LPP: variants seen among roughly 807,000 people sequenced by gnomAD.
LPP encodes the protein lipoma-preferred partner.
A neutral mutation model predicts 60.4 loss-of-function variants in LPP; 38 were observed. That is an observed-to-expected ratio of 0.63 (90% CI 0.49 to 0.83). LPP has a LOEUF of 0.83. LPP is among the 40% of genes least tolerant of loss of function. The pLI is 0.00. For missense variants in LPP, 902 were observed against 783.6 expected (o/e 1.15, Z -1.80); for synonymous variants, 328 against 290.8 (o/e 1.13, Z -1.30).
intron 2 of LPP, among the ~76,000 whole-genome samples, chr3:188,259,248 G>T (rs1732740389): frequency 6.6e-6 from 1 of 152,162 alleles, no homozygotes; most frequent in Non-Finnish European, 1.5e-5. Flanking sequence ...CTCCCAGAGT[G>T]CATCCAGAGA....
At chr3:188,864,175 G>A (rs368272746) in intron 9 of LPP, among the ~76,000 whole-genome samples, 40 of 152,238 alleles carry the variant, frequency 2.6e-4, no homozygotes, top group East Asian at 7.7e-4. Flanking sequence ...GTTTCCATGC[G>A]TTTAGACTGT....
intron 6 of LPP, among the ~76,000 whole-genome samples, chr3:188,540,201 A>T (rs1824775801): frequency 6.6e-6 from 1 of 152,144 alleles, no homozygotes; most frequent in African/African-American, 2.4e-5. Context: ...TTGGTTTGCA[A>T]ACTGGACTTG....
chr3:188,691,128 A>G (rs2149473709), intron 7 of LPP, among the ~76,000 whole-genome samples: 1 of 152,320 alleles, frequency 6.6e-6, no homozygotes, highest in East Asian at 1.9e-4. Flanking sequence ...AGTATCTGCC[A>G]CCTTGTGCCT....
At chr3:188,248,630 A>G (rs529215363) in intron 2 of LPP, among the ~76,000 whole-genome samples, 162 of 151,400 alleles carry the variant, frequency 1.1e-3, no homozygotes, top group African/African-American at 3.9e-3. Flanking sequence ...TCTAACCTTT[A>G]TATCTTTGTT....
chr3:188,888,645 A>T lies in LPP; in HGVS notation c.*14166A>T, dbSNP rs182477908. On this transcript the variant is annotated 3_prime_UTR_variant, in exon 12 of 12. Transcript: ENST00000617246. The stretch of plus-strand genomic sequence containing the variant: ...AAAAGTGCCTATTCTGAGCAACATA[A>T]ACGTTATTCCTTACATATGTATGTA... 46 of 222,524 alleles carry T rather than the reference A, an allele frequency of 2.1e-4. No individual in the cohort carries two copies. Among genetic ancestry groups the T allele is most frequent in the Middle Eastern group, 1.4e-3 (1 of 726 alleles). The allele number at this position is 222,524 out of a possible 1,614,324, so 13.8% of individuals were successfully genotyped here.
intron 5 of LPP, among the ~76,000 whole-genome samples, chr3:188,498,647 C>T (rs1202564600): frequency 6.6e-6 from 1 of 152,080 alleles, no homozygotes; most frequent in East Asian, 1.9e-4. Flanking sequence ...CTTTTGGACC[C>T]TGCTTTCAGT....
At chr3:188,831,077 G>A (rs1372458208) in intron 9 of LPP, among the ~76,000 whole-genome samples, 1 of 152,142 alleles carries the variant, frequency 6.6e-6, no homozygotes, top group Non-Finnish European at 1.5e-5. Context: ...ATCTGTGGGG[G>A]GATGCCAAGA....
intron 4 of LPP, among the ~76,000 whole-genome samples, chr3:188,462,255 C>T (rs904754783): frequency 3.3e-5 from 5 of 151,152 alleles, no homozygotes; most frequent in African/African-American, 9.7e-5. Context: ...TTATTATTCT[C>T]ATTTTGAAGA....
chr3:188,368,994 T>G (rs1166216523), intron 3 of LPP, among the ~76,000 whole-genome samples: 1 of 152,178 alleles, frequency 6.6e-6, no homozygotes, highest in Non-Finnish European at 1.5e-5. Flanking sequence ...GTGTTTACAG[T>G]TATCGCCATG....
chr3:188,430,325 T>C (rs1790574508), intron 4 of LPP, among the ~76,000 whole-genome samples: 1 of 152,158 alleles, frequency 6.6e-6, no homozygotes, highest in South Asian at 2.1e-4. Flanking sequence ...TTCCCTGGCT[T>C]ATATTGTACA....
intron 2 of LPP, among the ~76,000 whole-genome samples, chr3:188,308,948 T>TTCTCCCTTCTCCTTCTCCTCCTCCC (rs1752443177): frequency 2.1e-5 from 3 of 140,698 alleles, no homozygotes; most frequent in South Asian, 4.8e-4. Context: ...CTCCTCCTCC[T>TTCTCCCTTCTCCTTCTCCTCCTCCC]TCTCCCTTCT....
chr3:188,414,825 G>T (rs1785757506), intron 4 of LPP, among the ~76,000 whole-genome samples: 1 of 152,138 alleles, frequency 6.6e-6, no homozygotes, highest in Non-Finnish European at 1.5e-5. Context: ...TTGCAGATTA[G>T]TAAGTGGGGA....
chr3:188,227,293 C>T (rs150429818), intron 2 of LPP, among the ~76,000 whole-genome samples: 3 of 150,034 alleles, frequency 2.0e-5, no homozygotes, highest in Non-Finnish European at 4.4e-5. Flanking sequence ...CCCACTAACT[C>T]GTCATCTAGC....
intron 6 of LPP, among the ~76,000 whole-genome samples, chr3:188,558,485 G>A (rs1829981565): frequency 6.6e-6 from 1 of 152,064 alleles, no homozygotes. Flanking sequence ...GTGGTCAGCT[G>A]TGTAGATTCA....
chr3:188,792,128 C>T (rs995888019), intron 9 of LPP, among the ~76,000 whole-genome samples: 7 of 152,246 alleles, frequency 4.6e-5, no homozygotes, highest in Admixed American at 1.3e-4. Flanking sequence ...GCCCAAGCAC[C>T]GTGTGTAGCC....
chr3:188,514,257 TTTCCTCTCCTCTCCA>T (rs1816671318), intron 5 of LPP, among the ~76,000 whole-genome samples: 1 of 151,942 alleles, frequency 6.6e-6, no homozygotes, highest in Non-Finnish European at 1.5e-5. Flanking sequence ...CCCTTCCTCT[TTTCCTCTCCTCTCCA>T]TTCCTCTGCT....
Position 188,687,536 on chromosome 3 carries a change from G to A in LPP, c.1114-20731G>A, listed in dbSNP as rs191564229. Among the ~76,000 whole-genome samples, 22 of 152,218 alleles carry A rather than the reference G, an allele frequency of 1.4e-4. No individual in the cohort carries two copies. The East Asian group carries it at 3.5e-3, about 24-fold the overall frequency. On this transcript the variant is annotated intron_variant, in intron 7 of 11. Coordinates refer to ENST00000617246, the MANE Select transcript of LPP (RefSeq NM_001375462.1). ...GCTTCTCCCTCTGCTGCCACCTTGT[G>A]AAGAAGGTGCCTGCTTCCCCTTCTG... is the stretch of plus-strand genomic sequence containing the variant.
chr3:188,794,919 C>T lies in LPP; in HGVS notation c.1410+34637C>T, dbSNP rs907052447. Among the ~76,000 whole-genome samples the T allele has an allele frequency of 1.6e-4, 25 of 152,038 alleles. 1 individual carries two copies. The highest frequency in any genetic ancestry group is 2.1e-4 in the South Asian group (1 of 4,816). On this transcript the variant is annotated intron_variant, in intron 9 of 11. Coordinates refer to ENST00000617246, the MANE Select transcript of LPP (RefSeq NM_001375462.1). ...TTGGGATGCCAAGGCAGGAGGATCA[C>T]GAGGTCAGGAGATCAAGACCAACCT...
At chr3:188,754,305 GA>G (rs1398159882) in intron 8 of LPP, among the ~76,000 whole-genome samples, 2 of 152,170 alleles carry the variant, frequency 1.3e-5, no homozygotes, top group African/African-American at 2.4e-5. Flanking sequence ...ATTTTCAATG[GA>G]TGGAAAGCCA....
Sources: allele counts gnomAD v4.1 joint callset (sites outside exome capture counted in the v4.1 genomes callset), GRCh38; gene constraint gnomAD v4.1.1; transcripts MANE v1.5; gene names NCBI Gene and HGNC (gene_info 2026-07-23, HGNC 2026-07-21).